TXNDC15: variants seen among roughly 807,000 people sequenced by gnomAD.
TXNDC15 encodes the protein thioredoxin domain-containing protein 15.
A neutral mutation model predicts 35.0 loss-of-function variants in TXNDC15; 24 were observed. The ratio of observed to expected loss-of-function variants is 0.68; its 90% CI spans 0.50 to 0.96. The LOEUF (loss-of-function observed/expected upper bound fraction) is 0.96. TXNDC15 is among the 40% of genes least tolerant of loss of function. The pLI is 0.00. For missense variants in TXNDC15, 385 were observed against 453.3 expected (o/e 0.85, Z 1.37); for synonymous variants, 169 against 174.0 (o/e 0.97, Z 0.23).
chr5:134,887,550 T>C, intron 1 of TXNDC15, 145 bp from the exon 2 acceptor site: 1 of 985,692 alleles, frequency 1.0e-6, no homozygotes, highest in Non-Finnish European at 1.5e-6. Context: ...ACCTGGGAAA[T>C]GGTGAGTAGC....
At chr5:134,890,376 TTTCTC>T (rs1438733269) in intron 2 of TXNDC15, among the ~76,000 whole-genome samples, 1 of 149,580 alleles carries the variant, frequency 6.7e-6, no homozygotes, top group African/African-American at 2.5e-5. Flanking sequence ...TCTTTTCTCT[TTTCTC>T]TTCTCTTCTT....
rs146730606 is a variant in TXNDC15 at position 134,880,038 on chromosome 5, C to T, written c.103+5508C>T. ...CTCGAACTCCTGACCTCAAGGGATCCGCCCTCCTTGGCCTCCCAAAGTACT... is the reference window on the plus strand; with the variant it reads ...CTCGAACTCCTGACCTCAAGGGATCTGCCCTCCTTGGCCTCCCAAAGTACT... On this transcript the variant is annotated intron_variant, in intron 1 of 4. Coordinates refer to ENST00000358387, the MANE Select transcript of TXNDC15 (RefSeq NM_024715.4). 1.0e-3 allele frequency among the ~76,000 whole-genome samples: 158 copies of T among 152,214 alleles called. 1 individual carries two copies. The highest frequency in any genetic ancestry group is 7.9e-3 in the East Asian group (41 of 5,178).
intron 1 of TXNDC15, among the ~76,000 whole-genome samples, chr5:134,885,150 G>C (rs1750250511): frequency 6.6e-6 from 1 of 152,090 alleles, no homozygotes; most frequent in Admixed American, 6.6e-5. Flanking sequence ...TCAAACTTCT[G>C]ACCTCAGGTG....
intron 1 of TXNDC15, among the ~76,000 whole-genome samples, chr5:134,881,720 G>T (rs2150184837): frequency 6.7e-6 from 1 of 148,872 alleles, no homozygotes; most frequent in East Asian, 2.0e-4. Context: ...CCCAGACGGG[G>T]TGGTGGCCGG....
At chr5:134,886,719 G>A (rs1462131194) in intron 1 of TXNDC15, among the ~76,000 whole-genome samples, 1 of 152,244 alleles carries the variant, frequency 6.6e-6, no homozygotes, top group African/African-American at 2.4e-5. Context: ...GCTGCTGTGT[G>A]GCTTGAACAG....
chr5:134,878,400 G>A lies in TXNDC15; in HGVS notation c.103+3870G>A, dbSNP rs886861796. ...TAATTTTCTACATTTTGGTGGTATT[G>A]TCTCCATTTGCTAAATGAGCACACA... On this transcript the variant is annotated intron_variant, in intron 1 of 4. Transcript: ENST00000358387. Among the ~76,000 whole-genome samples the A allele has an allele frequency of 2.0e-5, 3 of 152,148 alleles. No homozygotes were observed. In the South Asian group the frequency reaches 6.2e-4, roughly 31 times the overall value.
rs768237094 is a variant in TXNDC15, at chr5:134,896,382, C to A, written c.844C>A (p.Arg282=). 3 of 1,613,648 alleles carry A rather than the reference C, an allele frequency of 1.9e-6. No individual in the cohort carries two copies. Among genetic ancestry groups the A allele is most frequent in the South Asian group, 1.1e-5 (1 of 91,012 alleles). Residue 282 remains arginine, a synonymous_variant, in exon 4 of 5, where the codon CGA becomes AGA. Transcript: ENST00000358387. Reference sequence around the variant, plus strand: ...AATGGCCAGATTTAATCATACAGATCGAACACTGGAAACACTGAAAATCTT... The same window carrying A: ...AATGGCCAGATTTAATCATACAGATAGAACACTGGAAACACTGAAAATCTT... ...KPMARFNHTD[R]TLETLKIFIF... is the part of the protein sequence containing the mutation.
intron 1 of TXNDC15, among the ~76,000 whole-genome samples, chr5:134,884,072 TAGTC>T (rs1378293077): frequency 1.3e-5 from 2 of 149,882 alleles, no homozygotes; most frequent in Non-Finnish European, 3.0e-5. Flanking sequence ...ATACAAAAAT[TAGTC>T]AGGTGTGGTG....
chr5:134,887,614 G>A lies in TXNDC15; in HGVS notation c.104-81G>A, dbSNP rs1750300658. On this transcript the variant is annotated intron_variant, in intron 1 of 4. Transcript: ENST00000358387. ...TTTTGTCTCCAGAGGGGAAAATTTC[G>A]TGTTAGAGGGGAACTGTAATTCTTT... 1.1e-5 allele frequency: 17 copies of A among 1,500,120 alleles called. No individual in the cohort carries two copies. The Middle Eastern group carries it at 5.4e-4, about 48-fold the overall frequency. 92.9% of individuals were successfully genotyped at this position (1,500,120 alleles called of 1,614,324 possible). A position where few individuals can be genotyped will look rare whatever the true frequency, so the allele number is the denominator to read the frequency against.
At chr5:134,884,573 A>G (rs1750237612) in intron 1 of TXNDC15, among the ~76,000 whole-genome samples, 1 of 140,376 alleles carries the variant, frequency 7.1e-6, no homozygotes, top group African/African-American at 2.7e-5. Flanking sequence ...ATTTTTATTT[A>G]GTTATTTTTT....
intron 1 of TXNDC15, among the ~76,000 whole-genome samples, chr5:134,880,535 C>G (rs1320265131): frequency 6.6e-6 from 1 of 151,494 alleles, no homozygotes; most frequent in Admixed American, 6.6e-5. Context: ...CTCCTGGGTT[C>G]AAGCGATTCT....
intron 1 of TXNDC15, among the ~76,000 whole-genome samples, chr5:134,886,892 C>T (rs924637280): frequency 1.1e-4 from 17 of 152,206 alleles, no homozygotes; most frequent in African/African-American, 4.1e-4. Context: ...TGCCTTGCCT[C>T]GTTACCTGTT....
intron 1 of TXNDC15, 49 bp downstream of exon 1, chr5:134,874,579 T>G (rs775508778): frequency 6.8e-7 from 1 of 1,477,280 alleles, no homozygotes; most frequent in Admixed American, 1.8e-5. Flanking sequence ...CGAGCTGAGG[T>G]CCACCCGGGC....
rs951631340 is a variant in TXNDC15 at position 134,899,822 on chromosome 5, C to T, written c.*137C>T. 3.0e-5 allele frequency: 21 copies of T among 695,652 alleles called. No homozygotes were observed. The highest frequency in any genetic ancestry group is 5.1e-4 in the Middle Eastern group (2 of 3,926). 43.1% of individuals were successfully genotyped at this position (695,652 alleles called of 1,614,324 possible). ...ATTAAAAGAATCATTTGTTGAACAA[C>T]TGAATGTATAAAAAAATTATAAACT... is the stretch of plus-strand genomic sequence containing the variant. On this transcript the variant is annotated 3_prime_UTR_variant, in exon 5 of 5. Coordinates refer to ENST00000358387, the MANE Select transcript of TXNDC15 (RefSeq NM_024715.4).
Position 134,877,467 on chromosome 5 carries a change from G to C in TXNDC15, c.103+2937G>C, listed in dbSNP as rs193251548. ...TTGCTGTGAAGGTCAGGGTCTGGAGGGGGGATAGCAGGCTGACCAGGGAGA... is the reference window on the plus strand; with the variant it reads ...TTGCTGTGAAGGTCAGGGTCTGGAGCGGGGATAGCAGGCTGACCAGGGAGA... On this transcript the variant is annotated intron_variant, in intron 1 of 4. Transcript: ENST00000358387. Among the ~76,000 whole-genome samples, 48 of 152,274 alleles carry C rather than the reference G, an allele frequency of 3.2e-4. No individual in the cohort carries two copies. In the Middle Eastern group the frequency reaches 0.014, roughly 43 times the overall value.
chr5:134,875,404 T>C, intron 1 of TXNDC15: 1 of 456,284 alleles, frequency 2.2e-6, no homozygotes, highest in South Asian at 1.5e-5. Flanking sequence ...GGGTGAGTCA[T>C]AGTAACACAA....
intron 2 of TXNDC15, among the ~76,000 whole-genome samples, chr5:134,888,729 G>A (rs968230964): frequency 2.6e-5 from 4 of 152,008 alleles, no homozygotes; most frequent in Non-Finnish European, 5.9e-5. Context: ...TAATCCACCC[G>A]TCTCGGCCTC....
intron 1 of TXNDC15, among the ~76,000 whole-genome samples, chr5:134,883,587 CAAAAAAAAA>C (rs60114636): frequency 7.6e-5 from 5 of 65,378 alleles, no homozygotes; most frequent in Admixed American, 2.0e-4. Context: ...GACCCTGTCT[CAAAAAAAAA>C]AAAAAAAAAA....
At chr5:134,880,632 AG>A (rs1463944057) in intron 1 of TXNDC15, among the ~76,000 whole-genome samples, 1 of 151,796 alleles carries the variant, frequency 6.6e-6, no homozygotes, top group African/African-American at 2.4e-5. Context: ...TAGTAGATAC[AG>A]GGTTTCACCA....
Sources: gnomAD v4.1 joint callset for allele counts (sites outside exome capture counted in the v4.1 genomes callset) on GRCh38, gnomAD v4.1.1 for gene constraint, MANE v1.5 for transcripts, NCBI Gene and HGNC (gene_info 2026-07-23, HGNC 2026-07-21) for gene names.